The following PCDHGA2 variants were observed in gnomAD, a reference collection of about 807,000 sequenced individuals.
The protein encoded by PCDHGA2 is protocadherin gamma-A2.
A neutral mutation model predicts 59.2 loss-of-function variants in PCDHGA2; 40 were observed. That is an observed-to-expected ratio of 0.68 (90% CI 0.52 to 0.88). The LOEUF (loss-of-function observed/expected upper bound fraction) is 0.88, where lower values mean the gene tolerates loss of function less well. Among genes scored for constraint, PCDHGA2 ranks in the 40% least tolerant of loss-of-function variants. PCDHGA2 has a pLI of 0.00. For missense variants in PCDHGA2, 1,226 were observed against 1,204.0 expected, an observed-to-expected ratio of 1.02 and a Z score of -0.27; for synonymous variants, 560 against 526.0, an observed-to-expected ratio of 1.06 and a Z score of -0.89.
chr5:141,381,826 CTTTTTTT>C (rs770630741), intron 1 of PCDHGA2, among the ~76,000 whole-genome samples: 293 of 74,292 alleles, frequency 3.9e-3, no homozygotes, highest in Middle Eastern at 0.016. Context: ...CTTTCTTCTT[CTTTTTTT>C]TTTTTTTTTT....
intron 1 of PCDHGA2, chr5:141,478,878 T>A: frequency 8.0e-7 from 1 of 1,250,194 alleles, no homozygotes; most frequent in Non-Finnish European, 1.1e-6. Flanking sequence ...GAGTTTAGCT[T>A]GGTATCATTT....
Position 141,339,518 on chromosome 5 carries a change from C to T in PCDHGA2, c.547C>T (p.Arg183Ter), listed in dbSNP as rs991775237. The change falls in exon 1 of 4, where the codon CGA becomes TGA. Residue 183 changes from arginine to a stop codon, truncating the protein, a stop_gained. Transcript: ENST00000394576. LOFTEE classifies it high-confidence loss of function. The part of the protein sequence containing the change: ...NPNDHFSLDV[R>*]RGADGNKYPE... The stretch of plus-strand genomic sequence containing the variant: ...AAATGACCACTTCTCCCTGGACGTG[C>T]GAAGGGGAGCTGATGGGAACAAGTA... 6.2e-7 allele frequency: 1 copy of T among 1,614,084 alleles called. No individual in the cohort carries two copies. The highest frequency in any genetic ancestry group is 8.5e-7 in the Non-Finnish European group (1 of 1,180,020).
intron 1 of PCDHGA2, among the ~76,000 whole-genome samples, chr5:141,380,906 G>A (rs528730354): frequency 1.3e-3 from 196 of 152,328 alleles, no homozygotes; most frequent in Non-Finnish European, 2.0e-3. Flanking sequence ...ATCTACAAGT[G>A]CTTACATTGT....
intron 1 of PCDHGA2, among the ~76,000 whole-genome samples, chr5:141,467,680 T>A (rs75237059): frequency 6.6e-6 from 1 of 152,138 alleles, no homozygotes; most frequent in Non-Finnish European, 1.5e-5. Flanking sequence ...TTATTTTTTT[T>A]AGACAGGGTC....
At chr5:141,453,780 C>T (rs1330142662) in intron 1 of PCDHGA2, among the ~76,000 whole-genome samples, 3 of 152,090 alleles carry the variant, frequency 2.0e-5, no homozygotes, top group African/African-American at 4.8e-5. Flanking sequence ...TTTTAGTTAC[C>T]ATGGTATATT....
chr5:141,403,482 A>C (rs764737675), intron 1 of PCDHGA2: 2 of 1,613,892 alleles, frequency 1.2e-6, no homozygotes, highest in Non-Finnish European at 1.7e-6. Flanking sequence ...CCCAATCACC[A>C]CTTCTCCCTG....
At chr5:141,378,173 C>A (rs1774684442) in intron 1 of PCDHGA2, 1 of 152,194 alleles carries the variant, frequency 6.6e-6, no homozygotes. Flanking sequence ...AATAACTAAG[C>A]ACCGATGCTG....
In PCDHGA2 at chr5:141,476,235, A is replaced by G; in HGVS notation, c.2425-18572A>G. ...GTCATTCACTATGAGATCCCGGAGG[A>G]AAGAGAGAAGGGTTTCGCTGTGGGC... is the stretch of plus-strand genomic sequence containing the variant. On this transcript the variant is annotated intron_variant, in intron 1 of 3. Coordinates refer to ENST00000394576, the MANE Select transcript of PCDHGA2 (RefSeq NM_018915.4). The surrounding 1 kb of genome is among the most constrained non-coding windows in gnomAD (Gnocchi z 7.6). 2 of 1,613,844 alleles carry G rather than the reference A, an allele frequency of 1.2e-6. No homozygotes were observed. Among genetic ancestry groups the G allele is most frequent in the Admixed American group, 1.7e-5 (1 of 59,990 alleles).
rs2091965953 is a variant in PCDHGA2 at position 141,389,909 on chromosome 5, C to T, written c.2424+48514C>T. ...AGGAGGTGCTGCCGGATATCACTGA[C>T]CGCCCCGACCCCTCTGACCTCCAGG... On this transcript the variant is annotated intron_variant, in intron 1 of 3. Transcript: ENST00000394576. 1.9e-6 allele frequency: 3 copies of T among 1,614,068 alleles called. No homozygotes were observed. In the South Asian group the frequency reaches 3.3e-5, roughly 18 times the overall value.
chr5:141,414,533 C>T, intron 1 of PCDHGA2: 1 of 1,613,960 alleles, frequency 6.2e-7, no homozygotes, highest in Non-Finnish European at 8.5e-7. Flanking sequence ...AATGACAACC[C>T]ACCTACCTTC....
intron 1 of PCDHGA2, chr5:141,375,958 G>A (rs1002329693): frequency 7.4e-6 from 12 of 1,613,460 alleles, no homozygotes; most frequent in Non-Finnish European, 1.0e-5. Context: ...ACACGGGCGA[G>A]GTGCGCACGG....
At chr5:141,488,546 G>A (rs2099676755) in intron 1 of PCDHGA2, among the ~76,000 whole-genome samples, 1 of 152,188 alleles carries the variant, frequency 6.6e-6, no homozygotes, top group African/African-American at 2.4e-5. Context: ...TCCCATGTCA[G>A]CTGACATTGA....
chr5:141,400,558 C>A, intron 1 of PCDHGA2: 1 of 1,613,290 alleles, frequency 6.2e-7, no homozygotes, highest in Non-Finnish European at 8.5e-7. Context: ...TTTTTCATTA[C>A]CCACCCAATT....
intron 1 of PCDHGA2, chr5:141,357,463 C>G: frequency 6.2e-7 from 1 of 1,614,216 alleles, no homozygotes; most frequent in East Asian, 2.2e-5. Context: ...GACCTATTCC[C>G]ACGAGGTCTC....
chr5:141,359,162 C>T (rs1761135803), intron 1 of PCDHGA2, among the ~76,000 whole-genome samples: 1 of 152,100 alleles, frequency 6.6e-6, no homozygotes, highest in Non-Finnish European at 1.5e-5. Context: ...GATGCAGTTA[C>T]CTGGCTTGGG....
At chr5:141,345,429 C>T (rs1186649548) in intron 1 of PCDHGA2, 17 of 1,613,922 alleles carry the variant, frequency 1.1e-5, no homozygotes. Flanking sequence ...AGAAAACAAC[C>T]CCAGAGGAGC....
chr5:141,446,623 TGC>T (rs1310809206), intron 1 of PCDHGA2, among the ~76,000 whole-genome samples: 1 of 152,014 alleles, frequency 6.6e-6, no homozygotes, highest in African/African-American at 2.4e-5. Flanking sequence ...ACTACAGGCG[TGC>T]ACCACCACGC....
chr5:141,362,843 G>A (rs1762701976), intron 1 of PCDHGA2, among the ~76,000 whole-genome samples: 1 of 152,134 alleles, frequency 6.6e-6, no homozygotes, highest in Admixed American at 6.5e-5. Flanking sequence ...GAGACTTTAG[G>A]CAATTAGTTT....
intron 1 of PCDHGA2, chr5:141,394,067 C>T (rs773390718): frequency 1.9e-6 from 3 of 1,613,794 alleles, no homozygotes; most frequent in Admixed American, 3.3e-5. Flanking sequence ...TCTCTATCTA[C>T]AATATCACAG....
Sources: allele counts gnomAD v4.1 joint callset (sites outside exome capture counted in the v4.1 genomes callset), GRCh38; gene constraint gnomAD v4.1.1; non-coding constraint Gnocchi (gnomAD v3.1); transcripts MANE v1.5; gene names NCBI Gene and HGNC (gene_info 2026-07-23, HGNC 2026-07-21).